The following HPS5 variants were observed in gnomAD, a reference collection of about 807,000 sequenced individuals.
HPS5 encodes BLOC-2 complex member HPS5.
Under a neutral mutation model 128.0 loss-of-function variants are expected in HPS5, and 83 were observed. The ratio of observed to expected loss-of-function variants is 0.65; its 90% confidence interval spans 0.54 to 0.78. The LOEUF is 0.78. HPS5 is among the 30% of genes least tolerant of loss of function. HPS5 has a pLI of 0.00. For missense variants in HPS5, 1,281 were observed against 1,326.2 expected, an observed-to-expected ratio of 0.97 and a Z score of 0.53; for synonymous variants, 475 against 470.2, an observed-to-expected ratio of 1.01 and a Z score of -0.13.
chr11:18,280,380 G>GA (rs1858725031), intron 22 of HPS5: 1 of 568,010 alleles, frequency 1.8e-6, no homozygotes, highest in African/African-American at 1.9e-5. Flanking sequence ...AACAACAACA[G>GA]AAAATGACAA....
chr11:18,297,496 T>G, intron 11 of HPS5, 63 bp downstream of exon 11: 2 of 1,506,752 alleles, frequency 1.3e-6, no homozygotes, highest in Admixed American at 3.4e-5. Context: ...TAGAGGTAAA[T>G]AAGAACAACC....
At chr11:18,317,671 A>C in intron 2 of HPS5, 80 bp downstream of exon 2, 5 of 1,366,508 alleles carry the variant, frequency 3.7e-6, no homozygotes, top group Non-Finnish European at 5.2e-6. Flanking sequence ...ATTCCACAAA[A>C]CGTTAAGGAA....
intron 2 of HPS5, among the ~76,000 whole-genome samples, chr11:18,313,259 G>C (rs1211225840): frequency 6.6e-6 from 1 of 151,622 alleles, no homozygotes; most frequent in Non-Finnish European, 1.5e-5. Context: ...TGAGCTATGT[G>C]AAGTATGCAG....
At chr11:18,300,720 AGTC>A in intron 9 of HPS5, 105 bp downstream of exon 9, 3 of 536,720 alleles carry the variant, frequency 5.6e-6, no homozygotes, top group South Asian at 2.0e-5. Flanking sequence ...AAAAAAAAAA[AGTC>A]ATCCCATCCT....
intron 13 of HPS5, among the ~76,000 whole-genome samples, chr11:18,295,506 T>C (rs1860948132): frequency 6.6e-6 from 1 of 152,224 alleles, no homozygotes; most frequent in Admixed American, 6.5e-5. Context: ...AAAGAATTGC[T>C]TCATGTAAAC....
chr11:18,294,353 C>T (rs1219402750), intron 14 of HPS5, among the ~76,000 whole-genome samples: 2 of 152,130 alleles, frequency 1.3e-5, no homozygotes, highest in Admixed American at 6.6e-5. Context: ...GGTCCTTTTG[C>T]TATTGCTTGA....
intron 10 of HPS5, 120 bp from the exon 11 acceptor site, chr11:18,297,837 T>G: frequency 1.0e-6 from 1 of 955,238 alleles, no homozygotes; most frequent in East Asian, 2.5e-5. Flanking sequence ...CCCAGCACTC[T>G]GGGAGGCCGA....
chr11:18,302,244 C>G (rs973624776), intron 8 of HPS5, among the ~76,000 whole-genome samples: 2 of 151,988 alleles, frequency 1.3e-5, no homozygotes, highest in African/African-American at 4.8e-5. Flanking sequence ...ATAAATTTAT[C>G]TCATATATTT....
Position 18,286,636 on chromosome 11 carries a change from T to A in HPS5, c.2792A>T (p.Asp931Val), listed in dbSNP as rs761741245. 3.7e-6 allele frequency: 6 copies of A among 1,613,844 alleles called. No individual in the cohort carries two copies. Among genetic ancestry groups the A allele is most frequent in the Admixed American group, 1.7e-5 (1 of 59,988 alleles). ...CATTGTGCTGGTGCTTGGTGGAGCA[T>A]CAAGGGACACTGCCAAAAGCAGCCA... ...LDWLLLAVSL[D>V]APPSTSTMDD... The change falls in exon 19 of 23, where the codon GAT (aspartate) becomes GTT (valine). Residue 931 changes from aspartate (D) to valine (V), a missense_variant. Asp to Val is a radical substitution (Grantham distance 152). Transcript: ENST00000349215.
At chr11:18,316,537 G>C (rs1011726163) in intron 2 of HPS5, among the ~76,000 whole-genome samples, 16 of 152,168 alleles carry the variant, frequency 1.1e-4, no homozygotes, top group African/African-American at 3.9e-4. Flanking sequence ...ATGGTTTCCA[G>C]GGATGGTAAA....
In HPS5 at chr11:18,286,601, C is replaced by T. The variant is rs1859763987; in HGVS notation, c.2827G>A (p.Gly943Ser). 2 of 1,613,658 alleles carry T rather than the reference C, an allele frequency of 1.2e-6. No homozygotes were observed. The highest frequency in any genetic ancestry group is 1.7e-6 in the Non-Finnish European group (2 of 1,179,924). ...GGACTTCTTCTGTACCTGGGATAAC[C>T]TTCATCATCCATTGTGCTGGTGCTT... The part of the protein sequence containing the change: ...PPSTSTMDDE[G>S]YPRPHSHLLS... The change falls in exon 19 of 23, where the codon GGT becomes AGT. Residue 943 changes from glycine to serine, a missense_variant. Transcript: ENST00000349215.
intron 2 of HPS5, among the ~76,000 whole-genome samples, chr11:18,316,695 C>T (rs1235774406): frequency 6.6e-6 from 1 of 152,190 alleles, no homozygotes; most frequent in Non-Finnish European, 1.5e-5. Flanking sequence ...CAGCCTAGGA[C>T]AAACTTCCAA....
intron 2 of HPS5, among the ~76,000 whole-genome samples, chr11:18,314,834 G>A (rs1400305603): frequency 1.3e-5 from 2 of 152,068 alleles, no homozygotes; most frequent in Non-Finnish European, 2.9e-5. Context: ...CTGAGTAGCT[G>A]GGACCACAGA....
Position 18,311,978 on chromosome 11 carries a change from G to A in HPS5, c.155C>T (p.Ser52Leu), listed in dbSNP as rs1863076253. Residue 52 changes from serine to leucine, a missense_variant, in exon 3 of 23, where the codon TCA becomes TTA. By Grantham distance (145) the Ser-to-Leu change is moderately radical (BLOSUM62 -2). Coordinates refer to ENST00000349215, the MANE Select transcript of HPS5 (RefSeq NM_181507.2). The stretch of plus-strand genomic sequence containing the variant: ...CTGAATGAGATGGAGTCCTCCTCCT[G>A]AACTGCCCAAAGCCAACCATTTCCG... ...VSRKWLALGS[S>L]GGGLHLIQKE... 6.2e-7 allele frequency: 1 copy of A among 1,613,976 alleles called. No homozygotes were observed. Among genetic ancestry groups the A allele is most frequent in the South Asian group, 1.1e-5 (1 of 91,080 alleles).
chr11:18,285,262 G>A, intron 20 of HPS5, 84 bp downstream of exon 20: 2 of 795,786 alleles, frequency 2.5e-6, no homozygotes, highest in Non-Finnish European at 4.3e-6. Context: ...ATATTAATGT[G>A]TATTAATTCA....
Position 18,305,425 on chromosome 11 carries a change from A to C in HPS5, c.893T>G (p.Leu298Arg), listed in dbSNP as rs1382927128. The C allele has an allele frequency of 6.3e-7, 1 of 1,589,226 alleles. No individual in the cohort carries two copies. The highest frequency in any genetic ancestry group is 2.2e-5 in the East Asian group (1 of 44,708). ...QSLSFPKLLH[L>R]SEHCVLTWTE... is the part of the protein sequence containing the mutation. The stretch of plus-strand genomic sequence containing the variant: ...ACTAAGGAAAGTAGAAACTTACCTA[A>C]GATGTAAGAGTTTGGGGAAAGACAA... Residue 298 changes from leucine to arginine, a missense_variant, in exon 8 of 23, where the codon CTT (leucine) becomes CGT (arginine). By Grantham distance (102) the Leu-to-Arg change is moderately radical. Coordinates refer to ENST00000349215, the MANE Select transcript of HPS5 (RefSeq NM_181507.2).
intron 9 of HPS5, among the ~76,000 whole-genome samples, chr11:18,299,179 G>T (rs570662423): frequency 2.4e-4 from 36 of 152,296 alleles, no homozygotes; most frequent in Admixed American, 1.6e-3. Flanking sequence ...TGTGAAGAAA[G>T]AACTATATCT....
chr11:18,313,334 C>T (rs969619951), intron 2 of HPS5, among the ~76,000 whole-genome samples: 1 of 152,196 alleles, frequency 6.6e-6, no homozygotes, highest in East Asian at 1.9e-4. Context: ...CGCCTGGGGG[C>T]AATTGTTTAA....
intron 8 of HPS5, 68 bp downstream of exon 8, chr11:18,305,354 A>T: frequency 9.3e-7 from 1 of 1,076,270 alleles, no homozygotes; most frequent in Middle Eastern, 2.0e-4. Context: ...CTACTTCTGA[A>T]CAAGAAACAG....
Sources: allele counts gnomAD v4.1 joint callset (sites outside exome capture counted in the v4.1 genomes callset), GRCh38; gene constraint gnomAD v4.1.1; transcripts MANE v1.5; gene names NCBI Gene and HGNC (gene_info 2026-07-23, HGNC 2026-07-21).